USP13: variants seen among roughly 807,000 people sequenced by gnomAD.
USP13 encodes ubiquitin carboxyl-terminal hydrolase 13.
USP13 carries 68 observed loss-of-function variants against 107.8 expected under a neutral mutation model. The observed-to-expected ratio is 0.63, with a 90% CI of 0.52 to 0.77. The LOEUF (loss-of-function observed/expected upper bound fraction) is 0.77, where lower values mean the gene tolerates loss of function less well. Ranked by LOEUF, USP13 falls within the 30% of genes least tolerant of loss-of-function variation. The pLI is 0.00. For synonymous variants in USP13, 377 were observed against 389.5 expected (o/e 0.97, Z 0.38); for missense variants, 945 against 1,093.3 (o/e 0.86, Z 1.91).
chr3:179,748,136 G>T (rs546921787), intron 13 of USP13, among the ~76,000 whole-genome samples: 14 of 152,278 alleles, frequency 9.2e-5, no homozygotes, highest in Non-Finnish European at 1.8e-4. Context: ...TCTGAGGTAG[G>T]TCCCATTATT....
In USP13 at chr3:179,742,360, C is replaced by G. The variant is rs931670547; in HGVS notation, c.1534+10C>G. ...GCGGCAACCAACAAGGGTAACAATT[C>G]CAAAGCGGGAAATTGGTACTGTGTG... is the stretch of plus-strand genomic sequence containing the variant. On this transcript the variant is annotated intron_variant, in intron 12 of 20. Coordinates refer to ENST00000263966, the MANE Select transcript of USP13 (RefSeq NM_003940.3). This position sits in a 1 kb window ranked among gnomAD's most constrained non-coding sequence, Gnocchi z 5.0. 6 of 1,614,056 alleles carry G rather than the reference C, an allele frequency of 3.7e-6. No homozygotes were observed. The highest frequency in any genetic ancestry group is 3.3e-5 in the Admixed American group (2 of 60,018).
rs374135131 is a variant in USP13 at position 179,730,136 on chromosome 3, G to A, written c.1089-53G>A. The A allele has an allele frequency of 8.3e-4, 1,267 of 1,530,342 alleles. 2 individuals carry two copies. The highest frequency in any genetic ancestry group is 1.1e-3 in the Non-Finnish European group (1,172 of 1,113,842). 94.8% of individuals were successfully genotyped at this position (1,530,342 alleles called of 1,614,324 possible). ...GCAAGAATTTTGATGGCTTGTTTTG[G>A]TTCTGTTCTTCTTGCAGTTGCTATG... is the stretch of plus-strand genomic sequence containing the variant. On this transcript the variant is annotated intron_variant, in intron 8 of 20. Coordinates refer to ENST00000263966, the MANE Select transcript of USP13 (RefSeq NM_003940.3).
At chr3:179,708,694 T>G in intron 5 of USP13, 79 bp from the exon 6 acceptor site, 1 of 1,546,410 alleles carries the variant, frequency 6.5e-7, no homozygotes, top group Non-Finnish European at 8.8e-7. Flanking sequence ...CCTGCCTACT[T>G]GAAACCCTCT....
chr3:179,752,431 G>A (rs1714646277), intron 14 of USP13, 58 bp downstream of exon 14: 3 of 1,350,080 alleles, frequency 2.2e-6, no homozygotes, highest in Non-Finnish European at 3.2e-6. Flanking sequence ...TAAACAACAT[G>A]GCATGTGAAA....
intron 19 of USP13, among the ~76,000 whole-genome samples, chr3:179,774,389 T>G (rs142646316): frequency 6.6e-6 from 1 of 152,174 alleles, no homozygotes; most frequent in African/African-American, 2.4e-5. Context: ...GTGTCCGCAG[T>G]TTGTTCCTTC....
Position 179,675,536 on chromosome 3 carries a change from T to TTTATTATTATTA in USP13, c.169-6324_169-6313dup, listed in dbSNP as rs57851865. Among the ~76,000 whole-genome samples the TTTATTATTATTA allele has an allele frequency of 8.9e-3, 1,309 of 146,368 alleles. 19 individuals are homozygous for TTTATTATTATTA. The highest frequency in any genetic ancestry group is 0.011 in the Non-Finnish European group (742 of 66,806). On this transcript the variant is annotated intron_variant, in intron 1 of 20. Transcript: ENST00000263966. ...TATATGAGTTTTATCTGTAACCTATTTTATTATTATTATTATTATTATTAT... is the reference window on the plus strand; with the variant it reads ...TATATGAGTTTTATCTGTAACCTATTTTATTATTATTATTATTATTATTATTATTATTATTAT...
In USP13 at chr3:179,721,386, G is replaced by C. The variant is rs375507286; in HGVS notation, c.901-16G>C. On this transcript the variant is annotated splice_polypyrimidine_tract_variant and intron_variant, in intron 7 of 20. Coordinates refer to ENST00000263966, the MANE Select transcript of USP13 (RefSeq NM_003940.3). This position sits in a 1 kb window ranked among gnomAD's most constrained non-coding sequence, Gnocchi z 4.3. ...ATCACATTTAAAGTTGTTTTTCTTC[G>C]ATGACTTTGTCTCAGACAGAGAATG... is the stretch of plus-strand genomic sequence containing the variant. 3.1e-6 allele frequency: 5 copies of C among 1,604,308 alleles called. No homozygotes were observed. Among genetic ancestry groups the C allele is most frequent in the Non-Finnish European group, 4.3e-6 (5 of 1,173,956 alleles).
intron 19 of USP13, among the ~76,000 whole-genome samples, chr3:179,770,234 A>G (rs1015916295): frequency 4.6e-5 from 7 of 152,304 alleles, no homozygotes; most frequent in African/African-American, 1.7e-4. Context: ...ATCACTTTAC[A>G]ATATTGAGTT....
chr3:179,744,242 C>T (rs1714312876), intron 12 of USP13, among the ~76,000 whole-genome samples: 1 of 152,124 alleles, frequency 6.6e-6, no homozygotes, highest in African/African-American at 2.4e-5. Context: ...CACAGGGACC[C>T]ATGTGGGACC....
chr3:179,669,325 C>T (rs9828793), intron 1 of USP13, among the ~76,000 whole-genome samples: 39,747 of 152,002 alleles, frequency 0.26, 6,116 homozygotes, highest in Non-Finnish European at 0.35. Flanking sequence ...GCCAGCATGG[C>T]GGCACACGCC....
chr3:179,728,914 A>G (rs2108502649), intron 8 of USP13, among the ~76,000 whole-genome samples: 1 of 149,850 alleles, frequency 6.7e-6, no homozygotes, highest in East Asian at 2.0e-4. Flanking sequence ...AGTACCGTCC[A>G]GCTTCAGCTC....
chr3:179,762,973 C>T (rs1346462300), intron 17 of USP13, among the ~76,000 whole-genome samples: 1 of 152,132 alleles, frequency 6.6e-6, no homozygotes, highest in Non-Finnish European at 1.5e-5. Context: ...TTGCATTTTC[C>T]TAATGACTAA....
intron 6 of USP13, among the ~76,000 whole-genome samples, chr3:179,710,808 A>C (rs889349456): frequency 6.6e-6 from 1 of 152,268 alleles, no homozygotes; most frequent in Admixed American, 6.5e-5. Flanking sequence ...TATACAGCAC[A>C]GTACTGTACT....
intron 19 of USP13, among the ~76,000 whole-genome samples, chr3:179,768,878 C>T (rs1189590192): frequency 6.6e-6 from 1 of 152,124 alleles, no homozygotes; most frequent in Non-Finnish European, 1.5e-5. Flanking sequence ...CACACAAACT[C>T]ATATTGTGAG....
At chr3:179,693,323 A>T (rs907352520) in intron 3 of USP13, among the ~76,000 whole-genome samples, 1 of 151,924 alleles carries the variant, frequency 6.6e-6, no homozygotes, top group African/African-American at 2.4e-5. Flanking sequence ...TAATTAAAAA[A>T]AATTTTTTTT....
chr3:179,711,371 C>T (rs777084833), intron 6 of USP13, among the ~76,000 whole-genome samples: 72 of 152,116 alleles, frequency 4.7e-4, no homozygotes, highest in Non-Finnish European at 9.6e-4. Flanking sequence ...CCCAACCACG[C>T]CCAGGTAATT....
intron 9 of USP13, 95 bp from the exon 10 acceptor site, chr3:179,730,521 C>A: frequency 9.7e-7 from 1 of 1,035,958 alleles, no homozygotes; most frequent in Non-Finnish European, 1.4e-6. Context: ...CTCCACCTAA[C>A]AGCAGTTGTA....
At chr3:179,668,598 C>T (rs1720653797) in intron 1 of USP13, among the ~76,000 whole-genome samples, 1 of 152,072 alleles carries the variant, frequency 6.6e-6, no homozygotes, top group South Asian at 2.1e-4. Flanking sequence ...ACTCTGTTGT[C>T]CAGGCTAGAG....
chr3:179,737,839 G>T (rs952445923), intron 10 of USP13, among the ~76,000 whole-genome samples: 2 of 152,190 alleles, frequency 1.3e-5, no homozygotes, highest in African/African-American at 4.8e-5. Context: ...CTCCTAGAAG[G>T]CAGAATCTCC....
Sources: allele counts gnomAD v4.1 joint callset (sites outside exome capture counted in the v4.1 genomes callset), GRCh38; gene constraint gnomAD v4.1.1; non-coding constraint Gnocchi (gnomAD v3.1); transcripts MANE v1.5; gene names NCBI Gene and HGNC (gene_info 2026-07-23, HGNC 2026-07-21).